MIA2: variants seen among roughly 807,000 people sequenced by gnomAD.
MIA2 encodes the protein MIA SH3 domain ER export factor 2, also known as melanoma inhibitory activity protein 2.
A neutral mutation model predicts 167.8 loss-of-function variants in MIA2; 127 were observed. That is an observed-to-expected ratio of 0.76 (90% CI 0.66 to 0.88). The LOEUF is 0.88. Among genes scored for constraint, MIA2 ranks in the 40% least tolerant of loss-of-function variants. The pLI, the probability that MIA2 is intolerant of heterozygous loss-of-function variation, is 0.00. For synonymous variants in MIA2, 552 were observed against 541.9 expected, an observed-to-expected ratio of 1.02 and a Z score of -0.26; for missense variants, 1,690 against 1,624.7, an observed-to-expected ratio of 1.04 and a Z score of -0.69.
rs758933622 is a variant in MIA2 at position 39,315,665 on chromosome 14, A to T, written c.3181-18A>T. 3.9e-6 allele frequency: 6 copies of T among 1,537,666 alleles called. No individual in the cohort carries two copies. Reference sequence around the variant, plus strand: ...GAAAAATAATGGTCAGTAGCATTTTAATTACTTTCTTTTTCAGATTATTTC... The same window carrying T: ...GAAAAATAATGGTCAGTAGCATTTTTATTACTTTCTTTTTCAGATTATTTC... On this transcript the variant is annotated intron_variant, in intron 20 of 28. Coordinates refer to ENST00000640607, the MANE Select transcript of MIA2 (RefSeq NM_001329214.4).
intron 13 of MIA2, among the ~76,000 whole-genome samples, chr14:39,296,643 T>A (rs1349416003): frequency 6.7e-6 from 1 of 149,970 alleles, no homozygotes; most frequent in Non-Finnish European, 1.5e-5. Flanking sequence ...TATTATTTTT[T>A]TTTTATTATA....
At chr14:39,267,476 T>C (rs7140561) in intron 6 of MIA2, 1,502,541 of 1,612,930 alleles carry the variant, frequency 0.93, 700,504 homozygotes, top group East Asian at 0.97. Context: ...GAGCCCGGGG[T>C]TACCCCTCAA....
At chr14:39,296,977 A>G (rs1370726687) in intron 13 of MIA2, among the ~76,000 whole-genome samples, 1 of 148,404 alleles carries the variant, frequency 6.7e-6, no homozygotes, top group African/African-American at 2.5e-5. Flanking sequence ...GAGTTTCACC[A>G]TGTTGGCCAG....
chr14:39,269,048 T>C lies in MIA2; in HGVS notation c.1888-7886T>C, dbSNP rs578075291. On this transcript the variant is annotated intron_variant, in intron 6 of 28. Coordinates refer to ENST00000640607, the MANE Select transcript of MIA2 (RefSeq NM_001329214.4). ...CCAGATTTTGCAGTTTTCTCTAGTC[T>C]GGTGCGTTGTATCTTCACCTGCACA... is the stretch of plus-strand genomic sequence containing the variant. The C allele has an allele frequency of 7.1e-6, 7 of 981,298 alleles. No individual in the cohort carries two copies. In the South Asian group the frequency reaches 3.3e-4, roughly 46 times the overall value. 60.8% of individuals were successfully genotyped at this position (981,298 alleles called of 1,614,324 possible). A position where few individuals can be genotyped will look rare whatever the true frequency, so the allele number is the denominator to read the frequency against.
chr14:39,312,618 A>G (rs1238467151), intron 18 of MIA2, among the ~76,000 whole-genome samples: 1 of 152,234 alleles, frequency 6.6e-6, no homozygotes, highest in East Asian at 1.9e-4. Context: ...CATGGGTATT[A>G]TAGCATAAAA....
chr14:39,378,951 G>A (rs1179670070), intron 23 of MIA2, among the ~76,000 whole-genome samples: 1 of 152,172 alleles, frequency 6.6e-6, no homozygotes, highest in Non-Finnish European at 1.5e-5. Context: ...TAGCCAAAGT[G>A]ATAAGATTTT....
intron 1 of MIA2, 114 bp from the exon 2 acceptor site, chr14:39,236,808 T>C (rs544737290): frequency 7.8e-5 from 79 of 1,012,436 alleles, no homozygotes; most frequent in Non-Finnish European, 8.4e-5. Flanking sequence ...ATAAATGATA[T>C]AAAGAAATTA....
chr14:39,239,488 G>A (rs1009212198), intron 2 of MIA2, among the ~76,000 whole-genome samples: 1 of 152,158 alleles, frequency 6.6e-6, no homozygotes, highest in Admixed American at 6.6e-5. Flanking sequence ...CTGGAAGTTA[G>A]AGGTTACAGT....
chr14:39,302,716 G>T (rs2062721468), intron 15 of MIA2, among the ~76,000 whole-genome samples: 1 of 152,106 alleles, frequency 6.6e-6, no homozygotes, highest in Non-Finnish European at 1.5e-5. Flanking sequence ...TGATGGTTGT[G>T]CTCTGAAGTT....
chr14:39,288,444 TATATATATATATATATA>T (rs2060121408), intron 9 of MIA2, among the ~76,000 whole-genome samples: 3 of 9,784 alleles, frequency 3.1e-4, no homozygotes, highest in Admixed American at 6.7e-4. Flanking sequence ...TATATATATA[TATATATATATATATATA>T]TATATATATA....
intron 23 of MIA2, among the ~76,000 whole-genome samples, chr14:39,374,489 C>T (rs1288130646): frequency 1.3e-5 from 2 of 152,172 alleles, no homozygotes; most frequent in Non-Finnish European, 2.9e-5. Context: ...TGATGGCTAT[C>T]TTTTTTTGGA....
At chr14:39,239,698 T>C (rs2053955067) in intron 2 of MIA2, among the ~76,000 whole-genome samples, 1 of 152,148 alleles carries the variant, frequency 6.6e-6, no homozygotes, top group Non-Finnish European at 1.5e-5. Context: ...TACGTGAAAA[T>C]AATGGTTCCA....
Position 39,327,026 on chromosome 14 carries a change from T to C in MIA2, c.3655+4T>C. 2 of 1,496,694 alleles carry C rather than the reference T, an allele frequency of 1.3e-6. No homozygotes were observed. The highest frequency in any genetic ancestry group is 8.9e-7 in the Non-Finnish European group (1 of 1,127,684). 92.7% of individuals were successfully genotyped at this position (1,496,694 alleles called of 1,614,324 possible). On this transcript the variant is annotated splice_donor_region_variant and intron_variant, in intron 25 of 28. Transcript: ENST00000640607. ...AGGATGATGTTTCCTCCGCCAGGTA[T>C]GTAAAGACAATAGTTATTATTTCTC...
chr14:39,318,062 A>C, intron 22 of MIA2, 51 bp downstream of exon 22: 4 of 1,311,036 alleles, frequency 3.1e-6, no homozygotes, highest in Non-Finnish European at 4.3e-6. Flanking sequence ...TTATTTCGTT[A>C]ATTAGGTAAT....
At chr14:39,333,800 A>G (rs1464019633) in intron 25 of MIA2, among the ~76,000 whole-genome samples, 1 of 152,118 alleles carries the variant, frequency 6.6e-6, no homozygotes, top group Admixed American at 6.6e-5. Flanking sequence ...AATTTACTCT[A>G]CCATACTAGA....
At chr14:39,253,361 C>T (rs540815600) in intron 6 of MIA2, 190 bp downstream of exon 6, 17 of 783,662 alleles carry the variant, frequency 2.2e-5, no homozygotes, top group African/African-American at 2.0e-4. Context: ...TTTTTAAAAA[C>T]ATTTCCCTAA....
At chr14:39,292,157 C>T (rs1357903137) in intron 10 of MIA2, among the ~76,000 whole-genome samples, 1 of 152,170 alleles carries the variant, frequency 6.6e-6, no homozygotes, top group Non-Finnish European at 1.5e-5. Context: ...TATTTGCTAA[C>T]CCTCTGTCTT....
At chr14:39,245,700 C>CGA (rs58136705) in intron 3 of MIA2, among the ~76,000 whole-genome samples, 36,315 of 151,452 alleles carry the variant, frequency 0.24, 4,578 homozygotes, top group African/African-American at 0.33. Flanking sequence ...GGGGAGAAAG[C>CGA]GAGAGAGAGA....
At chr14:39,319,078 A>ACACC in intron 22 of MIA2, 131 bp from the exon 23 acceptor site, 2 of 452,194 alleles carry the variant, frequency 4.4e-6, no homozygotes, top group Admixed American at 7.4e-5. Flanking sequence ...GGTCAGAATA[A>ACACC]TTTTAGAGGA....
Sources: gnomAD v4.1 joint callset for allele counts (sites outside exome capture counted in the v4.1 genomes callset) on GRCh38, gnomAD v4.1.1 for gene constraint, MANE v1.5 for transcripts, NCBI Gene and HGNC (gene_info 2026-07-23, HGNC 2026-07-21) for gene names.